Variants in RMDN1 observed in about 807,000 individuals in gnomAD.
The protein encoded by RMDN1 is regulator of microtubule dynamics protein 1.
Under a neutral mutation model 48.9 loss-of-function variants are expected in RMDN1, and 48 were observed. The ratio of observed to expected loss-of-function variants is 0.98; its 90% CI spans 0.78 to 1.25. The LOEUF (loss-of-function observed/expected upper bound fraction) is 1.25, where lower values mean the gene tolerates loss of function less well. Among genes scored for constraint, RMDN1 ranks in the 50% most tolerant of loss-of-function variants. The pLI is 0.00. For missense variants in RMDN1, 418 were observed against 373.4 expected (o/e 1.12, Z -0.98); for synonymous variants, 148 against 132.6 (o/e 1.12, Z -0.80).
At chr8:86,490,101 C>T (rs905626163) in intron 2 of RMDN1, among the ~76,000 whole-genome samples, 20 of 151,930 alleles carry the variant, frequency 1.3e-4, no homozygotes, top group African/African-American at 4.4e-4. Flanking sequence ...TTTGCTTCCA[C>T]TCTATTCTAT....
At position 86,479,926 on chromosome 8, in the gene RMDN1, A is replaced by G. The variant is rs922017913; in HGVS notation, c.641+351T>C. On this transcript the variant is annotated intron_variant, in intron 6 of 9. Transcript: ENST00000406452. ...GATTATATGGTTCCTCAGATTAATC[A>G]AGACTGTATCTGACACACTTTGAAG... 3.9e-5 allele frequency among the ~76,000 whole-genome samples: 6 copies of G among 152,172 alleles called. No homozygotes were observed. The East Asian group carries it at 1.2e-3, about 29-fold the overall frequency.
At chr8:86,480,570 A>G (rs1814214701) in intron 5 of RMDN1, among the ~76,000 whole-genome samples, 1 of 152,144 alleles carries the variant, frequency 6.6e-6, no homozygotes, top group Admixed American at 6.5e-5. Context: ...GTAAGTGTCT[A>G]TCAAGATGAG....
At chr8:86,470,761 G>GA (rs1812480272), downstream of RMDN1, among the ~76,000 whole-genome samples, 2 of 152,050 alleles carry the variant, frequency 1.3e-5, no homozygotes, top group East Asian at 1.9e-4. Flanking sequence ...TATGTTGAGT[G>GA]AAAAAAAGTA....
At chr8:86,468,479 A>C, downstream of RMDN1, 1 of 424,792 alleles carries the variant, frequency 2.4e-6, no homozygotes, top group Non-Finnish European at 4.6e-6. Flanking sequence ...GATAGAGGGA[A>C]ACTGGCCTTC....
At chr8:86,511,898 G>C (rs1399583798), upstream of RMDN1, among the ~76,000 whole-genome samples, 1 of 151,738 alleles carries the variant, frequency 6.6e-6, no homozygotes, top group African/African-American at 2.4e-5. Context: ...AGTGAAGGTA[G>C]AAATATGAGG....
downstream of RMDN1, among the ~76,000 whole-genome samples, chr8:86,470,611 G>C (rs534370489): frequency 1.1e-4 from 16 of 152,300 alleles, 1 homozygote; most frequent in African/African-American, 2.9e-4. Flanking sequence ...GCTCATAGCA[G>C]CTTTATTTGT....
At chr8:86,480,128 A>C in intron 6 of RMDN1, 149 bp downstream of exon 6, 1 of 441,632 alleles carries the variant, frequency 2.3e-6, no homozygotes, top group Non-Finnish European at 4.1e-6. Flanking sequence ...TATATATACA[A>C]GGGCTAGTTA....
intron 2 of RMDN1, among the ~76,000 whole-genome samples, chr8:86,490,317 T>C (rs72690418): frequency 0.054 from 8,282 of 152,234 alleles, 320 homozygotes; most frequent in Non-Finnish European, 0.086. Flanking sequence ...AATCAGCTAA[T>C]ATTAAAACAG....
rs1812713009 is a variant in RMDN1, at chr8:86,472,540, A to G, written c.*1768T>C. On this transcript the variant is annotated 3_prime_UTR_variant, in exon 10 of 10. Transcript: ENST00000406452. ...TAAAATACAGCATCATTAAGTGGGA[A>G]ACTGAAAGCCTGCCATTGTTGTTGC... The G allele has an allele frequency of 1.0e-5, 7 of 695,758 alleles. No homozygotes were observed. The allele number at this position is 695,758 out of a possible 1,614,324, so 43.1% of individuals were successfully genotyped here. A position where few individuals can be genotyped will look rare whatever the true frequency, so the allele number is the denominator to read the frequency against.
chr8:86,483,733 A>C (rs968952026), intron 5 of RMDN1, among the ~76,000 whole-genome samples: 1 of 152,168 alleles, frequency 6.6e-6, no homozygotes, highest in South Asian at 2.1e-4. Context: ...CTATTTAAAT[A>C]GCAAATTCAG....
At position 86,505,090 on chromosome 8, in the gene RMDN1, T is replaced by A. The variant is rs564165665; in HGVS notation, c.247+1905A>T. On this transcript the variant is annotated intron_variant, in intron 2 of 9. Coordinates refer to ENST00000406452, the MANE Select transcript of RMDN1 (RefSeq NM_016033.3). The stretch of plus-strand genomic sequence containing the variant: ...TAAGTCATGCCTCCTTCCACCTCCC[T>A]CCCAGCATGGGAAAGCCACCTCTCC... The A allele has an allele frequency of 1.8e-4, 248 of 1,384,048 alleles. 2 individuals are homozygous for A. The South Asian group carries it at 3.0e-3, about 17-fold the overall frequency. 85.7% of individuals were successfully genotyped at this position (1,384,048 alleles called of 1,614,324 possible).
intron 5 of RMDN1, among the ~76,000 whole-genome samples, chr8:86,480,731 C>G (rs1405104817): frequency 6.6e-6 from 1 of 151,972 alleles, no homozygotes; most frequent in Non-Finnish European, 1.5e-5. Flanking sequence ...AAAAGTCATT[C>G]TTTCCTAAAG....
Position 86,474,330 on chromosome 8 carries a change from G to A in RMDN1, c.923C>T (p.Thr308Ile). The A allele has an allele frequency of 6.2e-7, 1 of 1,613,500 alleles. No homozygotes were observed. Among genetic ancestry groups the A allele is most frequent in the Non-Finnish European group, 8.5e-7 (1 of 1,179,624 alleles). The change falls in exon 10 of 10, where the codon ACA (threonine) becomes ATA (isoleucine). Residue 308 changes from threonine to isoleucine, a missense_variant. Thr to Ile is a moderately conservative substitution (Grantham distance 89). Coordinates refer to ENST00000406452, the MANE Select transcript of RMDN1 (RefSeq NM_016033.3). Reference sequence around the variant, plus strand: ...TTCTCAATTCTTCTCACTGAAACTTGTAAGCAACTGAGCAGCTTCTGTCTG... The same window carrying A: ...TTCTCAATTCTTCTCACTGAAACTTATAAGCAACTGAGCAGCTTCTGTCTG... ...QIQTEAAQLL[T>I]SFSEKN
intron 2 of RMDN1, among the ~76,000 whole-genome samples, chr8:86,497,700 C>CA (rs1213399491): frequency 0.042 from 2,871 of 67,932 alleles, 52 homozygotes; most frequent in Admixed American, 0.094. Context: ...GACACTATCT[C>CA]AAAAAAAAAA....
At chr8:86,510,331 T>G (rs547461042), upstream of RMDN1, among the ~76,000 whole-genome samples, 2 of 152,348 alleles carry the variant, frequency 1.3e-5, no homozygotes, top group East Asian at 3.9e-4. Context: ...ATATACAAAT[T>G]TTGTTTAATT....
rs1026914855 is a variant in RMDN1 at position 86,508,605 on chromosome 8, G to A, written c.16C>T (p.Arg6Ter). 9.4e-6 allele frequency: 15 copies of A among 1,603,480 alleles called. No individual in the cohort carries two copies. The highest frequency in any genetic ancestry group is 1.3e-5 in the African/African-American group (1 of 74,720). ...CGGAAAGGCAGAAGGCGCCACAGTC[G>A]AGCAGCCAGCGCCATGACCTGCAAC... The part of the protein sequence containing the change: MALAA[R>*]LWRLLPFRRG... The change falls in exon 1 of 10, where the codon CGA becomes TGA. Residue 6 changes from arginine to a stop codon, truncating the protein, a stop_gained. Coordinates refer to ENST00000406452, the MANE Select transcript of RMDN1 (RefSeq NM_016033.3). LOFTEE classifies it high-confidence loss of function.
downstream of RMDN1, among the ~76,000 whole-genome samples, chr8:86,469,260 A>C (rs769247093): frequency 2.0e-5 from 3 of 151,796 alleles, no homozygotes; most frequent in Non-Finnish European, 2.9e-5. Flanking sequence ...ACTTCTGTTA[A>C]CTACCTAGCT....
At chr8:86,469,299 G>T (rs1190383766), downstream of RMDN1, among the ~76,000 whole-genome samples, 4 of 151,978 alleles carry the variant, frequency 2.6e-5, no homozygotes, top group Non-Finnish European at 4.4e-5. Context: ...AAATAGGATG[G>T]TATGTGTCAA....
At chr8:86,470,531 A>C, downstream of RMDN1, 1 of 736,868 alleles carries the variant, frequency 1.4e-6, no homozygotes, top group Non-Finnish European at 1.9e-6. Flanking sequence ...AAAAGGACCC[A>C]GGAGCCACAC....
Sources: allele counts gnomAD v4.1 joint callset (sites outside exome capture counted in the v4.1 genomes callset), GRCh38; gene constraint gnomAD v4.1.1; transcripts MANE v1.5; gene names NCBI Gene and HGNC (gene_info 2026-07-23, HGNC 2026-07-21).